The following ATP6V0D1 variants were observed in gnomAD, a reference collection of about 807,000 sequenced individuals.
ATP6V0D1 encodes ATPase H+ transporting V0 subunit d1, also known as V-type proton ATPase subunit d 1.
In ATP6V0D1, 13 loss-of-function variants were observed where a neutral mutation model predicts 39.0. That is an observed-to-expected ratio of 0.33 (90% CI 0.22 to 0.53). The LOEUF (loss-of-function observed/expected upper bound fraction) is 0.53, where lower values mean the gene tolerates loss of function less well. Ranked by LOEUF, ATP6V0D1 falls within the 20% of genes least tolerant of loss-of-function variation. The probability of loss-of-function intolerance (pLI) is 0.94; values close to 1 mark genes in which losing one functional copy is unlikely to be tolerated. For synonymous variants in ATP6V0D1, 191 were observed against 191.2 expected (o/e 1.00, Z 0.01); for missense variants, 272 against 470.9 (o/e 0.58, Z 3.91).
chr16:67,452,140 G>T, intron 2 of ATP6V0D1: 1 of 1,445,692 alleles, frequency 6.9e-7, no homozygotes, highest in South Asian at 1.3e-5. Flanking sequence ...GCCAGGGAAT[G>T]ATCAACAGAT....
Position 67,470,119 on chromosome 16 carries a change from T to C in ATP6V0D1, c.130+10838A>G, listed in dbSNP as rs566150267. Among the ~76,000 whole-genome samples, 7 of 152,312 alleles carry C rather than the reference T, an allele frequency of 4.6e-5. No individual in the cohort carries two copies. In the East Asian group the frequency reaches 1.4e-3, roughly 29 times the overall value. ...ATAACCAAATCACCGGATATTCCAT[T>C]GGTTCTAATAGTTTGCTGCTACCAA... is the stretch of plus-strand genomic sequence containing the variant. On this transcript the variant is annotated intron_variant, in intron 1 of 7. Transcript: ENST00000290949.
chr16:67,439,863 A>G (rs2142295467), intron 4 of ATP6V0D1: 1 of 158,712 alleles, frequency 6.3e-6, no homozygotes, highest in Middle Eastern at 3.4e-3. Context: ...CTAAAAATAC[A>G]AAAAATTTAG....
chr16:67,458,558 C>T (rs146071455), intron 1 of ATP6V0D1, among the ~76,000 whole-genome samples: 1 of 152,318 alleles, frequency 6.6e-6, no homozygotes, highest in African/African-American at 2.4e-5. Flanking sequence ...CTCGGGGGAC[C>T]GCTCTGGTCT....
At chr16:67,464,682 C>G (rs1437476471) in intron 1 of ATP6V0D1, among the ~76,000 whole-genome samples, 1 of 152,252 alleles carries the variant, frequency 6.6e-6, no homozygotes, top group Non-Finnish European at 1.5e-5. Flanking sequence ...GCAGTAAAAG[C>G]TGAGTTTCAG....
At chr16:67,470,192 C>T (rs1227812287) in intron 1 of ATP6V0D1, among the ~76,000 whole-genome samples, 3 of 152,128 alleles carry the variant, frequency 2.0e-5, no homozygotes, top group African/African-American at 7.2e-5. Context: ...TGTTAATCTA[C>T]GGGACACAAT....
intron 1 of ATP6V0D1, among the ~76,000 whole-genome samples, chr16:67,462,512 T>C (rs1283804350): frequency 6.6e-6 from 1 of 152,238 alleles, no homozygotes; most frequent in Non-Finnish European, 1.5e-5. Context: ...AGGCCAGTTA[T>C]GGCAATGTGC....
chr16:67,473,553 T>G (rs930793029), intron 1 of ATP6V0D1, among the ~76,000 whole-genome samples: 3 of 152,190 alleles, frequency 2.0e-5, no homozygotes, highest in African/African-American at 4.8e-5. Flanking sequence ...AGACAGAGTC[T>G]CGCTCAGTCG....
chr16:67,448,650 A>C (rs1597572107), intron 2 of ATP6V0D1, among the ~76,000 whole-genome samples: 1 of 136,732 alleles, frequency 7.3e-6, no homozygotes, highest in Admixed American at 7.6e-5. Flanking sequence ...ACAGAGTGAG[A>C]CTCCAGCTCA....
At chr16:67,469,250 G>A (rs1425479409) in intron 1 of ATP6V0D1, among the ~76,000 whole-genome samples, 3 of 152,180 alleles carry the variant, frequency 2.0e-5, no homozygotes, top group African/African-American at 4.8e-5. Flanking sequence ...GGAGGTTGCA[G>A]TGAGCCGAGA....
intron 5 of ATP6V0D1, 25 bp downstream of exon 5, chr16:67,439,249 G>A: frequency 1.9e-6 from 3 of 1,614,098 alleles, no homozygotes; most frequent in Non-Finnish European, 2.5e-6. Flanking sequence ...GGCACCAGCA[G>A]GCAGGAGGGC....
chr16:67,457,914 C>T (rs913968786), intron 1 of ATP6V0D1, among the ~76,000 whole-genome samples: 2 of 152,206 alleles, frequency 1.3e-5, no homozygotes, highest in Non-Finnish European at 2.9e-5. Flanking sequence ...CTGCCCAAGG[C>T]CTGAGGAGTC....
intron 1 of ATP6V0D1, chr16:67,459,319 G>T: frequency 1.0e-6 from 1 of 956,048 alleles, no homozygotes; most frequent in Non-Finnish European, 1.2e-6. Flanking sequence ...ACCTCCACAG[G>T]CCGGCCCTGT....
At chr16:67,442,385 G>A (rs1369699694) in intron 4 of ATP6V0D1, among the ~76,000 whole-genome samples, 1 of 151,916 alleles carries the variant, frequency 6.6e-6, no homozygotes, top group Non-Finnish European at 1.5e-5. Flanking sequence ...TGGCGCTATA[G>A]CTCAGTGCCT....
chr16:67,439,481 G>A, intron 4 of ATP6V0D1, 130 bp from the exon 5 acceptor site: 2 of 830,806 alleles, frequency 2.4e-6, no homozygotes, highest in Non-Finnish European at 3.9e-6. Flanking sequence ...ACCCATGGAT[G>A]GGCCGGGGCA....
rs746558096 is a variant in ATP6V0D1, at chr16:67,481,121, G to A, written c.-35C>T. Reference sequence around the variant, plus strand: ...GGGAGCGGCGGGACCGGAGAACCAGGACCGGCCGGCACGAATCGCGACTCC... The same window carrying A: ...GGGAGCGGCGGGACCGGAGAACCAGAACCGGCCGGCACGAATCGCGACTCC... On this transcript the variant is annotated 5_prime_UTR_variant, in exon 1 of 8. Coordinates refer to ENST00000290949, the MANE Select transcript of ATP6V0D1 (RefSeq NM_004691.5). 3.1e-6 allele frequency: 5 copies of A among 1,612,322 alleles called. No homozygotes were observed. Among genetic ancestry groups the A allele is most frequent in the Middle Eastern group, 1.7e-4 (1 of 6,058 alleles).
chr16:67,454,535 G>GTT (rs2041217161), intron 1 of ATP6V0D1: 1 of 151,868 alleles, frequency 6.6e-6, no homozygotes, highest in Non-Finnish European at 1.5e-5. Context: ...CTCCCAGAGT[G>GTT]TTTTGTTTTT....
intron 2 of ATP6V0D1, among the ~76,000 whole-genome samples, chr16:67,449,607 A>G (rs189872266): frequency 6.6e-6 from 1 of 152,362 alleles, no homozygotes; most frequent in African/African-American, 2.4e-5. Context: ...CTCATGCCAG[A>G]CAGCTGCCTC....
intron 2 of ATP6V0D1, among the ~76,000 whole-genome samples, chr16:67,451,354 C>T (rs901202620): frequency 2.0e-5 from 3 of 151,934 alleles, no homozygotes; most frequent in Non-Finnish European, 1.5e-5. Flanking sequence ...TTGGGGAGGG[C>T]GGGAAATGAA....
intron 1 of ATP6V0D1, among the ~76,000 whole-genome samples, chr16:67,470,332 T>C (rs1040583061): frequency 3.3e-5 from 5 of 152,218 alleles, no homozygotes; most frequent in Non-Finnish European, 7.3e-5. Flanking sequence ...TAAAAAATTA[T>C]ATTTAGTCAA....
Sources: allele counts gnomAD v4.1 joint callset (sites outside exome capture counted in the v4.1 genomes callset), GRCh38; gene constraint gnomAD v4.1.1; transcripts MANE v1.5; gene names NCBI Gene and HGNC (gene_info 2026-07-23, HGNC 2026-07-21).